The following MACROD2 variants were observed in gnomAD, a reference collection of about 807,000 sequenced individuals.
The protein encoded by MACROD2 is mono-ADP ribosylhydrolase 2.
MACROD2 carries 36 observed loss-of-function variants against 70.4 expected under a neutral mutation model. The observed-to-expected ratio is 0.51, with a 90% CI of 0.39 to 0.68. The LOEUF (loss-of-function observed/expected upper bound fraction) is 0.68, where lower values mean the gene tolerates loss of function less well. Among genes scored for constraint, MACROD2 ranks in the 30% least tolerant of loss-of-function variants. The pLI, the probability that MACROD2 is intolerant of heterozygous loss-of-function variation, is 0.00. For missense variants in MACROD2, 496 were observed against 538.4 expected (o/e 0.92, Z 0.78); for synonymous variants, 172 against 178.8 (o/e 0.96, Z 0.30).
chr20:15,124,375 G>A (rs1332210654), intron 5 of MACROD2, among the ~76,000 whole-genome samples: 3 of 145,554 alleles, frequency 2.1e-5, no homozygotes, highest in Non-Finnish European at 3.0e-5. Context: ...TAAAAAAAAG[G>A]CAAAGATAAA....
intron 8 of MACROD2, among the ~76,000 whole-genome samples, chr20:15,599,109 G>A (rs1036239631): frequency 6.6e-6 from 1 of 152,072 alleles, no homozygotes; most frequent in African/African-American, 2.4e-5. Context: ...GGCCGGCCGT[G>A]GTGGCTCATG....
At chr20:15,871,102 AG>A (rs1480776738) in intron 9 of MACROD2, among the ~76,000 whole-genome samples, 3 of 142,708 alleles carry the variant, frequency 2.1e-5, no homozygotes, top group Non-Finnish European at 4.6e-5. Context: ...CTTGAACCCG[AG>A]AGGTGGAGGT....
chr20:15,060,560 TC>T (rs1601013712), intron 5 of MACROD2, among the ~76,000 whole-genome samples: 1 of 152,146 alleles, frequency 6.6e-6, no homozygotes, highest in African/African-American at 2.4e-5. Flanking sequence ...GATGGTGACT[TC>T]CCCCATCTTC....
chr20:15,460,998 A>ATTT (rs1273367857), intron 7 of MACROD2, among the ~76,000 whole-genome samples: 2 of 76,510 alleles, frequency 2.6e-5, no homozygotes, highest in African/African-American at 6.1e-5. Flanking sequence ...ATATATATAT[A>ATTT]TATATATATT....
At chr20:15,315,031 C>T (rs2077793889) in intron 6 of MACROD2, among the ~76,000 whole-genome samples, 1 of 152,098 alleles carries the variant, frequency 6.6e-6, no homozygotes, top group Non-Finnish European at 1.5e-5. Flanking sequence ...CTAATTTCAC[C>T]AGATGATTTC....
chr20:15,636,076 G>GAAAAAAAAAAAAAAAAAA (rs57402806), intron 8 of MACROD2, among the ~76,000 whole-genome samples: 1 of 85,806 alleles, frequency 1.2e-5, no homozygotes, highest in Non-Finnish European at 2.2e-5. Flanking sequence ...CCTCTCAAAA[G>GAAAAAAAAAAAAAAAAAA]AAAAAAAAAA....
intron 5 of MACROD2, among the ~76,000 whole-genome samples, chr20:15,021,096 G>A (rs1326180393): frequency 7.7e-6 from 1 of 130,234 alleles, no homozygotes; most frequent in Non-Finnish European, 1.6e-5. Flanking sequence ...ACACGTGTAT[G>A]TGTATACACG....
chr20:15,878,671 G>A (rs924094219), intron 9 of MACROD2, among the ~76,000 whole-genome samples: 3 of 152,008 alleles, frequency 2.0e-5, no homozygotes, highest in African/African-American at 7.3e-5. Flanking sequence ...AAGAAGTGTG[G>A]ACTATTTGCT....
At chr20:15,358,591 C>A (rs757112973) in intron 6 of MACROD2, among the ~76,000 whole-genome samples, 34 of 152,062 alleles carry the variant, frequency 2.2e-4, no homozygotes, top group Non-Finnish European at 7.4e-5. Context: ...TATATATATT[C>A]TTCTGCAAGA....
chr20:15,510,812 G>C (rs181400408), intron 8 of MACROD2, among the ~76,000 whole-genome samples: 4 of 152,320 alleles, frequency 2.6e-5, no homozygotes, highest in South Asian at 2.1e-4. Context: ...GTGACAGAAG[G>C]GCTGGCTAAC....
chr20:15,883,747 A>C (rs972937364), intron 9 of MACROD2, among the ~76,000 whole-genome samples: 1 of 152,274 alleles, frequency 6.6e-6, no homozygotes, highest in South Asian at 2.1e-4. Flanking sequence ...GCTAATATGT[A>C]TAAAACACAT....
intron 3 of MACROD2, among the ~76,000 whole-genome samples, chr20:14,233,420 C>T (rs143729156): frequency 0.017 from 2,617 of 151,950 alleles, 80 homozygotes; most frequent in African/African-American, 0.058. Context: ...TGGCCGGGCG[C>T]GGTGGCTCAC....
chr20:15,222,642 C>T (rs527499633), intron 5 of MACROD2, among the ~76,000 whole-genome samples: 35 of 152,224 alleles, frequency 2.3e-4, no homozygotes, highest in Non-Finnish European at 3.2e-4. Context: ...TTAGAAGGAC[C>T]GATTATGCTT....
chr20:14,195,643 T>A (rs6110194), intron 3 of MACROD2, among the ~76,000 whole-genome samples: 142,327 of 152,086 alleles, frequency 0.94, 66,708 homozygotes, highest in East Asian at 0.99. Flanking sequence ...ACATCAGAAG[T>A]AGACAGAAGT....
chr20:14,613,589 C>A (rs948451552), intron 4 of MACROD2, among the ~76,000 whole-genome samples: 2 of 152,068 alleles, frequency 1.3e-5, no homozygotes, highest in African/African-American at 2.4e-5. Context: ...ATTAAGGGGA[C>A]AAAACACAGT....
At chr20:15,168,945 C>G (rs967914129) in intron 5 of MACROD2, among the ~76,000 whole-genome samples, 1 of 151,994 alleles carries the variant, frequency 6.6e-6, no homozygotes, top group African/African-American at 2.4e-5. Context: ...TATGAGATAT[C>G]TAGAGTAGTC....
chr20:14,020,136 T>C (rs2053054234), intron 2 of MACROD2, among the ~76,000 whole-genome samples: 1 of 152,198 alleles, frequency 6.6e-6, no homozygotes, highest in Non-Finnish European at 1.5e-5. Context: ...TCAGGCTTTG[T>C]GATTTGCAAT....
chr20:15,454,406 A>AACACAAACACACACAC (rs1271722958), intron 7 of MACROD2, among the ~76,000 whole-genome samples: 2 of 137,428 alleles, frequency 1.5e-5, no homozygotes, highest in African/African-American at 5.7e-5. Context: ...GACATATTCA[A>AACACAAACACACACAC]ACACACACAC....
Position 14,537,318 on chromosome 20 carries a change from T to C in MACROD2, c.301+43810T>C, listed in dbSNP as rs1385489986. On this transcript the variant is annotated intron_variant, in intron 4 of 17. Transcript: ENST00000684519. ...GAGTGAGGCAGCTTTAAAAAAAGGA[T>C]TTTAATGAGCAGATTAAGGATAAGG... 2.6e-5 allele frequency among the ~76,000 whole-genome samples: 4 copies of C among 152,130 alleles called. No individual in the cohort carries two copies. In the East Asian group the frequency reaches 5.8e-4, roughly 22 times the overall value.
Sources: gnomAD v4.1 joint callset for allele counts (sites outside exome capture counted in the v4.1 genomes callset) on GRCh38, gnomAD v4.1.1 for gene constraint, MANE v1.5 for transcripts, NCBI Gene and HGNC (gene_info 2026-07-23, HGNC 2026-07-21) for gene names.